The following PKLR variants were observed in gnomAD, a reference collection of about 807,000 sequenced individuals.
The protein encoded by PKLR is pyruvate kinase PKLR.
Under a neutral mutation model 53.6 loss-of-function variants are expected in PKLR, and 38 were observed. That is an observed-to-expected ratio of 0.71 (90% confidence interval 0.55 to 0.93). The LOEUF is 0.93. Among genes scored for constraint, PKLR ranks in the 40% least tolerant of loss-of-function variants. PKLR has a pLI of 0.00. For synonymous variants in PKLR, 328 were observed against 316.2 expected, an observed-to-expected ratio of 1.04 and a Z score of -0.39; for missense variants, 702 against 787.3, an observed-to-expected ratio of 0.89 and a Z score of 1.30.
chr1:155,297,399 A>C (rs1019942336), intron 2 of PKLR, among the ~76,000 whole-genome samples: 2 of 151,894 alleles, frequency 1.3e-5, no homozygotes, highest in Non-Finnish European at 2.9e-5. Context: ...AAAACCTCAG[A>C]GTCACCTGTC....
In PKLR at chr1:155,293,286, G is replaced by A. The variant is rs1326895470; in HGVS notation, c.1327C>T (p.Arg443Trp). The A allele has an allele frequency of 3.7e-6, 6 of 1,614,242 alleles. No individual in the cohort carries two copies. The highest frequency in any genetic ancestry group is 5.1e-6 in the Non-Finnish European group (6 of 1,180,034). ...GGATCACGGCTTAGTGGCGCTGCCC[G>A]ACGTAGCTCCTCAAACAGCTGCCGG... ...YHRQLFEELR[R>W]AAPLSRDPTE... The change falls in exon 9 of 11, where the codon CGG (arginine) becomes TGG (tryptophan). Residue 443 changes from arginine to tryptophan, a missense_variant. Coordinates refer to ENST00000342741, the MANE Select transcript of PKLR (RefSeq NM_000298.6). This position sits in a 1 kb window ranked among gnomAD's most constrained non-coding sequence, Gnocchi z 4.2.
At chr1:155,298,108 C>T (rs776892355) in intron 2 of PKLR, among the ~76,000 whole-genome samples, 2 of 151,976 alleles carry the variant, frequency 1.3e-5, no homozygotes, top group African/African-American at 2.4e-5. Flanking sequence ...GACAGAGGTG[C>T]GATCTCTGCT....
At position 155,290,974 on chromosome 1, in the gene PKLR, C is replaced by A. The variant is rs532136047; in HGVS notation, c.1619-296G>T. Among the ~76,000 whole-genome samples the A allele has an allele frequency of 2.9e-4, 42 of 147,358 alleles. 2 individuals are homozygous for A. In the East Asian group the frequency reaches 7.1e-3, roughly 25 times the overall value. On this transcript the variant is annotated intron_variant, in intron 10 of 10. Coordinates refer to ENST00000342741, the MANE Select transcript of PKLR (RefSeq NM_000298.6). ...ACTGCACTCCAGCCTGGGGACAGAG[C>A]AAGACTCCATCTCAAAATAATAATA...
In PKLR at chr1:155,295,630, C is replaced by T. The variant is rs1371214180; in HGVS notation, c.375+35G>A. ...GTGGCCAGGACCTCGAGGCATCCTC[C>T]TGCCCCACCCACTGCCCGGCGGCCC... is the stretch of plus-strand genomic sequence containing the variant. On this transcript the variant is annotated intron_variant, in intron 3 of 10. Transcript: ENST00000342741. The surrounding 1 kb of genome is among the most constrained non-coding windows in gnomAD (Gnocchi z 4.3). 1 of 1,614,016 alleles carries T rather than the reference C, an allele frequency of 6.2e-7. No homozygotes were observed.
At chr1:155,294,870 C>T (rs952971838) in intron 5 of PKLR, 118 bp from the exon 6 acceptor site, 4 of 1,325,494 alleles carry the variant, frequency 3.0e-6, no homozygotes, top group African/African-American at 1.5e-5. Context: ...CCTCATCTCT[C>T]CGCCCTTGTT....
rs1647310302 is a variant in PKLR at position 155,293,123 on chromosome 1, C to T, written c.1436+54G>A. 6.4e-7 allele frequency: 1 copy of T among 1,564,194 alleles called. No individual in the cohort carries two copies. The highest frequency in any genetic ancestry group is 8.8e-7 in the Non-Finnish European group (1 of 1,134,864). On this transcript the variant is annotated intron_variant, in intron 9 of 10. Coordinates refer to ENST00000342741, the MANE Select transcript of PKLR (RefSeq NM_000298.6). This position sits in a 1 kb window ranked among gnomAD's most constrained non-coding sequence, Gnocchi z 4.2. ...ACTAAACCCAAGCCTGGGGCCCGTC[C>T]CAGCCCACCCCTGACCCAAAGCTCC...
At position 155,294,276 on chromosome 1, in the gene PKLR, G is replaced by A. The variant is rs138871700; in HGVS notation, c.1075C>T (p.Arg359Cys). The A allele has an allele frequency of 2.7e-5, 43 of 1,613,962 alleles. No homozygotes were observed. The highest frequency in any genetic ancestry group is 5.3e-5 in the African/African-American group (4 of 74,884). ...ACAGGCTTGCCCGCCAAGTTGCAGC[G>A]CCCAATCATCATCTTCTGAGCCAGG... ...VFLAQKMMIGRCNLAGKPVVC... is the reference protein window; with the variant it reads ...VFLAQKMMIGCCNLAGKPVVC... Residue 359 changes from arginine (R) to cysteine (C), a missense_variant, in exon 7 of 11, where the codon CGC becomes TGC. Around this residue, in one of 2 missense-constraint regions of PKLR, gnomAD observed 519 missense variants for 537.1 expected, o/e 0.97. Coordinates refer to ENST00000342741, the MANE Select transcript of PKLR (RefSeq NM_000298.6).
At chr1:155,304,434 C>CAA (rs61510118), upstream of PKLR, among the ~76,000 whole-genome samples, 65 of 62,160 alleles carry the variant, frequency 1.0e-3, no homozygotes, top group Non-Finnish European at 1.3e-3. Context: ...AACTGCGTCT[C>CAA]AAAAAAAAAA....
rs1485341897 is a variant in PKLR at position 155,289,468 on chromosome 1, G to C, written c.*1104C>G. 6.6e-6 allele frequency: 1 copy of C among 152,240 alleles called. No individual in the cohort carries two copies. The highest frequency in any genetic ancestry group is 1.5e-5 in the Non-Finnish European group (1 of 68,050). The allele number at this position is 152,240 out of a possible 1,614,324, so 9.4% of individuals were successfully genotyped here. Reference sequence around the variant, plus strand: ...GTGGTCCTTGCCCAAACCCATCAGCGCAATACTTGAACCTTCTCCCAGGTA... The same window carrying C: ...GTGGTCCTTGCCCAAACCCATCAGCCCAATACTTGAACCTTCTCCCAGGTA... On this transcript the variant is annotated 3_prime_UTR_variant, in exon 11 of 11. Coordinates refer to ENST00000342741, the MANE Select transcript of PKLR (RefSeq NM_000298.6).
chr1:155,303,470 C>T (rs936625321), upstream of PKLR, among the ~76,000 whole-genome samples: 1 of 152,204 alleles, frequency 6.6e-6, no homozygotes, highest in African/African-American at 2.4e-5. Flanking sequence ...GGCCTTTGCC[C>T]TCTGTGAGAT....
chr1:155,303,919 G>A (rs562843198), upstream of PKLR, among the ~76,000 whole-genome samples: 1 of 152,284 alleles, frequency 6.6e-6, no homozygotes, highest in East Asian at 1.9e-4. Flanking sequence ...TTTCCATGGC[G>A]GCGGGGCGGG....
At chr1:155,306,031 TG>T (rs1351577149), upstream of PKLR, among the ~76,000 whole-genome samples, 11 of 152,134 alleles carry the variant, frequency 7.2e-5, no homozygotes, top group East Asian at 1.2e-3. This position sits in a 1 kb window ranked among gnomAD's most constrained non-coding sequence, Gnocchi z 4.2. Context: ...TAGCAGGAGG[TG>T]GGGGGCAGTT....
rs763466930 is a variant in PKLR, at chr1:155,294,263, G to A, written c.1088C>T (p.Ala363Val). Residue 363 changes from alanine to valine, a missense_variant, in exon 7 of 11, where the codon GCG becomes GTG. Around this residue, in one of 2 missense-constraint regions of PKLR, gnomAD observed 519 missense variants for 537.1 expected, o/e 0.97. Transcript: ENST00000342741. ...QKMMIGRCNL[A>V]GKPVVCATQM... ...TGTGGCACAGACAACAGGCTTGCCCGCCAAGTTGCAGCGCCCAATCATCAT... is the reference window on the plus strand; with the variant it reads ...TGTGGCACAGACAACAGGCTTGCCCACCAAGTTGCAGCGCCCAATCATCAT... 6.2e-7 allele frequency: 1 copy of A among 1,614,176 alleles called. No homozygotes were observed. Among genetic ancestry groups the A allele is most frequent in the Non-Finnish European group, 8.5e-7 (1 of 1,180,032 alleles).
chr1:155,299,281 C>T (rs1647844237), intron 2 of PKLR, among the ~76,000 whole-genome samples: 1 of 151,078 alleles, frequency 6.6e-6, no homozygotes, highest in Non-Finnish European at 1.5e-5. Context: ...GCCGTGACCT[C>T]CTGGGCTTAA....
chr1:155,304,931 G>A (rs147985500), upstream of PKLR, among the ~76,000 whole-genome samples: 16 of 152,302 alleles, frequency 1.1e-4, no homozygotes, highest in East Asian at 2.1e-3. Context: ...GAACTGGGCC[G>A]TAGCAAGGTG....
At chr1:155,299,853 G>T (rs1647885012) in intron 2 of PKLR, among the ~76,000 whole-genome samples, 1 of 152,060 alleles carries the variant, frequency 6.6e-6, no homozygotes, top group Non-Finnish European at 1.5e-5. Context: ...ATAATTTATT[G>T]TGCTTACTAT....
intron 1 of PKLR, chr1:155,301,008 A>C: frequency 6.4e-7 from 1 of 1,552,158 alleles, no homozygotes; most frequent in Non-Finnish European, 8.7e-7. Flanking sequence ...AAGTGTCACC[A>C]CTGTCTCCTG....
At chr1:155,308,583 A>C in the PKLR span, 1 of 985,448 alleles carries the variant, frequency 1.0e-6, no homozygotes. Context: ...GAAGATAATG[A>C]AAACTTGAGT....
In PKLR at chr1:155,290,525, A is replaced by AGGGATGGGGTACAAGGGT. The variant is rs1448779851; in HGVS notation, c.*29_*46dup. 1.8e-6 allele frequency: 2 copies of AGGGATGGGGTACAAGGGT among 1,117,710 alleles called. No individual in the cohort carries two copies. The highest frequency in any genetic ancestry group is 3.1e-5 in the African/African-American group (2 of 64,146). 69.2% of individuals were successfully genotyped at this position (1,117,710 alleles called of 1,614,324 possible). A position where few individuals can be genotyped will look rare whatever the true frequency, so the allele number is the denominator to read the frequency against. Reference sequence around the variant, plus strand: ...GCTGGAGAACGTAGACTGGGGAGGAAGGGATGGGGTACAAGGGTAGGCTGG... The same window carrying AGGGATGGGGTACAAGGGT: ...GCTGGAGAACGTAGACTGGGGAGGAAGGGATGGGGTACAAGGGTGGGATGGGGTACAAGGGTAGGCTGG... On this transcript the variant is annotated 3_prime_UTR_variant, in exon 11 of 11. Coordinates refer to ENST00000342741, the MANE Select transcript of PKLR (RefSeq NM_000298.6).
Sources: allele counts gnomAD v4.1 joint callset (sites outside exome capture counted in the v4.1 genomes callset), GRCh38; gene constraint gnomAD v4.1.1; regional missense constraint gnomAD v4.1.1; non-coding constraint Gnocchi (gnomAD v3.1); transcripts MANE v1.5; gene names NCBI Gene and HGNC (gene_info 2026-07-23, HGNC 2026-07-21).